The following SV2C variants were observed in gnomAD, a reference collection of about 807,000 sequenced individuals.
SV2C encodes synaptic vesicle glycoprotein 2C, also known as solute carrier family 22 member B3.
In SV2C, 49 loss-of-function variants were observed where a neutral mutation model predicts 79.7. The ratio of observed to expected loss-of-function variants is 0.61; its 90% CI spans 0.49 to 0.78. The LOEUF (loss-of-function observed/expected upper bound fraction) is 0.78, where lower values mean the gene tolerates loss of function less well. Among genes scored for constraint, SV2C ranks in the 30% least tolerant of loss-of-function variants. SV2C has a pLI of 0.00. For missense variants in SV2C, 833 were observed against 912.9 expected, an observed-to-expected ratio of 0.91 and a Z score of 1.13; for synonymous variants, 334 against 333.2, an observed-to-expected ratio of 1.00 and a Z score of -0.03.
chr5:76,194,625 T>C (rs1464226124), intron 2 of SV2C, among the ~76,000 whole-genome samples: 1 of 152,186 alleles, frequency 6.6e-6, no homozygotes, highest in Non-Finnish European at 1.5e-5. Flanking sequence ...ACAGCTTTTA[T>C]TTTACAATTG....
At chr5:76,209,136 C>T (rs781266664) in intron 3 of SV2C, among the ~76,000 whole-genome samples, 3 of 152,244 alleles carry the variant, frequency 2.0e-5, no homozygotes, top group Middle Eastern at 6.8e-3. Flanking sequence ...TTCATGTTTA[C>T]TTATTTAGCA....
At chr5:75,875,062 G>A in the SV2C span, among the ~76,000 whole-genome samples, 25 of 151,820 alleles carry the variant, frequency 1.6e-4, no homozygotes, top group Admixed American at 1.4e-3. Flanking sequence ...AACAACAACA[G>A]CAACAACAAC....
the SV2C span, among the ~76,000 whole-genome samples, chr5:76,011,235 A>G: frequency 6.6e-6 from 1 of 152,176 alleles, no homozygotes; most frequent in East Asian, 1.9e-4. Context: ...TTTAAGTTTC[A>G]TCATTAATAG....
the SV2C span, among the ~76,000 whole-genome samples, chr5:76,026,242 T>C: frequency 2.9e-5 from 2 of 68,364 alleles, no homozygotes; most frequent in African/African-American, 6.3e-5. Context: ...ACACACACAC[T>C]TCAATGCTAT....
At chr5:76,280,817 T>C in intron 4 of SV2C, 1 of 383,856 alleles carries the variant, frequency 2.6e-6, no homozygotes, top group Non-Finnish European at 5.2e-6. Flanking sequence ...AATCTCAGCT[T>C]TTGGAGCCAG....
In SV2C at chr5:76,329,488, A is replaced by G. The variant is rs1749109508; in HGVS notation, c.*3941A>G. 1 of 152,208 alleles carries G rather than the reference A, an allele frequency of 6.6e-6. No homozygotes were observed. The highest frequency in any genetic ancestry group is 2.1e-4 in the South Asian group (1 of 4,834). 9.4% of individuals were successfully genotyped at this position (152,208 alleles called of 1,614,324 possible). On this transcript the variant is annotated 3_prime_UTR_variant, in exon 13 of 13. Transcript: ENST00000502798. ...CAAATCAGAGTTCAGGTTTTCACCA[A>G]AAACTGCTTAGTTGTCTTTCAAGAT...
At chr5:75,937,067 C>G in the SV2C span, among the ~76,000 whole-genome samples, 1 of 99,584 alleles carries the variant, frequency 1.0e-5, no homozygotes, top group Non-Finnish European at 1.9e-5. Context: ...ATAAAGAAAT[C>G]TAAAAGATAG....
chr5:76,285,660 T>C, intron 5 of SV2C, 121 bp from the exon 6 acceptor site: 1 of 758,022 alleles, frequency 1.3e-6, no homozygotes. Context: ...CAATGGGATG[T>C]ACTGAGATAC....
At chr5:76,112,533 G>A (rs1171254222) in intron 1 of SV2C, among the ~76,000 whole-genome samples, 1 of 152,152 alleles carries the variant, frequency 6.6e-6, no homozygotes, top group Non-Finnish European at 1.5e-5. Flanking sequence ...CAGTAGGGGA[G>A]TGAGGTTTCC....
At chr5:76,052,744 T>A in the SV2C span, among the ~76,000 whole-genome samples, 1 of 152,192 alleles carries the variant, frequency 6.6e-6, no homozygotes, top group African/African-American at 2.4e-5. Flanking sequence ...GTCCCTACAA[T>A]ATCTCCCTTT....
intron 4 of SV2C, among the ~76,000 whole-genome samples, chr5:76,254,190 G>GTA (rs1166013683): frequency 1.2e-4 from 17 of 145,460 alleles, no homozygotes; most frequent in Non-Finnish European, 2.5e-4. Flanking sequence ...ATGTGTGTGT[G>GTA]TATATATATA....
chr5:76,040,696 G>A, the SV2C span, among the ~76,000 whole-genome samples: 7 of 152,182 alleles, frequency 4.6e-5, no homozygotes, highest in African/African-American at 1.7e-4. Flanking sequence ...ACAACTAAGT[G>A]TGGAAGTGCA....
At chr5:75,912,009 T>G in the SV2C span, 2 of 287,864 alleles carry the variant, frequency 6.9e-6, no homozygotes, top group South Asian at 7.3e-5. Context: ...TCTAAAGACC[T>G]GACATTAATG....
chr5:75,945,678 A>C, the SV2C span, among the ~76,000 whole-genome samples: 1 of 152,082 alleles, frequency 6.6e-6, no homozygotes, highest in African/African-American at 2.4e-5. Flanking sequence ...TATAGCTTAG[A>C]CCATAGAACA....
the SV2C span, among the ~76,000 whole-genome samples, chr5:75,892,756 A>G: frequency 6.6e-6 from 1 of 152,116 alleles, no homozygotes; most frequent in Non-Finnish European, 1.5e-5. Flanking sequence ...TCTGCAAAAG[A>G]CATGATTTTA....
intron 12 of SV2C, among the ~76,000 whole-genome samples, chr5:76,302,554 T>C (rs1748046079): frequency 7.1e-6 from 1 of 140,482 alleles, no homozygotes; most frequent in Admixed American, 7.8e-5. Context: ...GGCTTGAACC[T>C]GGGAGGCGGA....
chr5:76,082,575 TTTTC>T (rs148669552), upstream of SV2C, among the ~76,000 whole-genome samples: 2,322 of 150,434 alleles, frequency 0.015, 42 homozygotes, highest in East Asian at 0.054. Context: ...TTCTTTCTCT[TTTTC>T]TTTCTTTCTT....
At chr5:75,915,632 C>A in the SV2C span, among the ~76,000 whole-genome samples, 2 of 152,118 alleles carry the variant, frequency 1.3e-5, no homozygotes, top group African/African-American at 4.8e-5. Context: ...GTGGCTATTT[C>A]GAGAAGGAAC....
At chr5:76,220,746 G>A (rs935039239) in intron 4 of SV2C, among the ~76,000 whole-genome samples, 2 of 152,164 alleles carry the variant, frequency 1.3e-5, no homozygotes, top group African/African-American at 4.8e-5. Context: ...CGGGGCTGGT[G>A]TAGTAGCTCA....
Sources: allele counts gnomAD v4.1 joint callset (sites outside exome capture counted in the v4.1 genomes callset), GRCh38; gene constraint gnomAD v4.1.1; transcripts MANE v1.5; gene names NCBI Gene and HGNC (gene_info 2026-07-23, HGNC 2026-07-21).